The following ANXA10 variants were observed in gnomAD, a reference collection of about 807,000 sequenced individuals.
ANXA10 encodes the protein annexin 14.
ANXA10 carries 49 observed loss-of-function variants against 53.5 expected under a neutral mutation model. The ratio of observed to expected loss-of-function variants is 0.92; its 90% CI spans 0.73 to 1.16. The LOEUF is 1.16. Among genes scored for constraint, ANXA10 ranks in the 50% most tolerant of loss-of-function variants. The pLI is 0.00. For missense variants in ANXA10, 393 were observed against 394.4 expected, an observed-to-expected ratio of 1.00 and a Z score of 0.03; for synonymous variants, 131 against 128.9, an observed-to-expected ratio of 1.02 and a Z score of -0.11.
At chr4:168,095,386 C>A (rs1053080077) in intron 1 of ANXA10, among the ~76,000 whole-genome samples, 1 of 151,834 alleles carries the variant, frequency 6.6e-6, no homozygotes, top group African/African-American at 2.4e-5. Flanking sequence ...CTTTTGACAC[C>A]TTTTCCTACT....
chr4:168,171,093 G>A (rs1392113828), intron 6 of ANXA10, among the ~76,000 whole-genome samples: 1 of 152,150 alleles, frequency 6.6e-6, no homozygotes, highest in Non-Finnish European at 1.5e-5. Context: ...GATATAAAGT[G>A]AATAATGGGA....
chr4:168,162,537 G>T lies in ANXA10; in HGVS notation c.205G>T (p.Gly69Trp). Residue 69 changes from glycine (G) to tryptophan (W), a missense_variant, in exon 4 of 12, where the codon GGG (glycine) becomes TGG (tryptophan). Gly to Trp is a radical substitution (Grantham distance 184). Transcript: ENST00000359299. ...ACTTTTTCCTCCACAGGACCTGATTGGGGATATGAGGGAGCAGCTTTCGGA... is the reference window on the plus strand; with the variant it reads ...ACTTTTTCCTCCACAGGACCTGATTTGGGATATGAGGGAGCAGCTTTCGGA... Reference protein sequence around the residue: ...YQSMYGRDLIGDMREQLSDHF... With the variant: ...YQSMYGRDLIWDMREQLSDHF... The T allele has an allele frequency of 2.5e-6, 4 of 1,613,422 alleles. No homozygotes were observed. Among genetic ancestry groups the T allele is most frequent in the Non-Finnish European group, 3.4e-6 (4 of 1,179,474 alleles).
At chr4:168,147,178 T>C (rs1731419965) in intron 3 of ANXA10, among the ~76,000 whole-genome samples, 2 of 152,190 alleles carry the variant, frequency 1.3e-5, no homozygotes, top group African/African-American at 2.4e-5. Flanking sequence ...CCACTTCTAT[T>C]TGACAGGTGA....
chr4:168,155,822 GATATATGATATATC>G (rs1267433927), intron 3 of ANXA10, among the ~76,000 whole-genome samples: 2 of 2,856 alleles, frequency 7.0e-4, no homozygotes, highest in East Asian at 0.015. Context: ...TATTATATAT[GATATATGATATATC>G]ATATATAATA....
chr4:168,181,722 G>T lies in ANXA10; in HGVS notation c.764G>T (p.Arg255Ile). The T allele has an allele frequency of 1.3e-6, 2 of 1,599,940 alleles. No individual in the cohort carries two copies. The highest frequency in any genetic ancestry group is 1.7e-6 in the Non-Finnish European group (2 of 1,169,816). ...GACAAACCAGCCTATTTTGCTTATA[G>T]ATTATATAGTGCAATTCATGTAAGT... ...VRDKPAYFAY[R>I]LYSAIHDFGF... Residue 255 changes from arginine to isoleucine, a missense_variant, in exon 10 of 12, where the codon AGA becomes ATA. By Grantham distance (97) the Arg-to-Ile change is moderately conservative (BLOSUM62 -3). Coordinates refer to ENST00000359299, the MANE Select transcript of ANXA10 (RefSeq NM_007193.5).
At chr4:168,186,048 T>C (rs1035028182) in intron 11 of ANXA10, among the ~76,000 whole-genome samples, 1 of 152,232 alleles carries the variant, frequency 6.6e-6, no homozygotes, top group Non-Finnish European at 1.5e-5. Flanking sequence ...GCATAATTCA[T>C]TTTCTAAATG....
At chr4:168,163,088 T>G (rs1239754725) in intron 4 of ANXA10, among the ~76,000 whole-genome samples, 3 of 152,242 alleles carry the variant, frequency 2.0e-5, no homozygotes, top group Non-Finnish European at 4.4e-5. Flanking sequence ...GTCTTTATAT[T>G]TTCTTTTTAT....
At chr4:168,132,097 A>G (rs1221068731) in intron 2 of ANXA10, among the ~76,000 whole-genome samples, 1 of 152,118 alleles carries the variant, frequency 6.6e-6, no homozygotes, top group Admixed American at 6.6e-5. Flanking sequence ...AGTGAGTTAT[A>G]CCATGTGATC....
intron 1 of ANXA10, among the ~76,000 whole-genome samples, chr4:168,127,311 T>C (rs1401006430): frequency 6.6e-6 from 1 of 152,192 alleles, no homozygotes; most frequent in Non-Finnish European, 1.5e-5. Flanking sequence ...TCTGTTTACC[T>C]CTGCAGCCAT....
Position 168,177,981 on chromosome 4 carries a change from T to C in ANXA10, c.626T>C (p.Leu209Pro). 6.2e-7 allele frequency: 1 copy of C among 1,613,226 alleles called. No individual in the cohort carries two copies. The highest frequency in any genetic ancestry group is 8.5e-7 in the Non-Finnish European group (1 of 1,179,870). Residue 209 changes from leucine to proline, a missense_variant and splice_region_variant, in exon 8 of 12, where the codon CTG (leucine) becomes CCG (proline). By Grantham distance (98) the Leu-to-Pro change is moderately conservative (BLOSUM62 -3). Transcript: ENST00000359299. ...LCNKSYQQLR[L>P]VFQEFQNISG... ...AACAAGAGCTACCAGCAGCTGCGGC[T>C]GGGTAATTATTAACTGGGTTTCGTT...
Position 168,184,626 on chromosome 4 carries a change from C to T in ANXA10, c.851C>T (p.Thr284Ile). ...GCCAGAAGTGAAATAGACCTGCTGA[C>T]CATAAGGAAACGATACAAAGAGCGA... ...LIARSEIDLL[T>I]IRKRYKERYG... Residue 284 changes from threonine to isoleucine, a missense_variant, in exon 11 of 12, where the codon ACC becomes ATC. Coordinates refer to ENST00000359299, the MANE Select transcript of ANXA10 (RefSeq NM_007193.5). The T allele has an allele frequency of 6.2e-7, 1 of 1,613,948 alleles. No individual in the cohort carries two copies. Among genetic ancestry groups the T allele is most frequent in the Non-Finnish European group, 8.5e-7 (1 of 1,179,910 alleles).
chr4:168,184,572 A>G lies in ANXA10; in HGVS notation c.797A>G (p.His266Arg). The G allele has an allele frequency of 1.2e-6, 2 of 1,613,972 alleles. No individual in the cohort carries two copies. The highest frequency in any genetic ancestry group is 1.7e-5 in the Admixed American group (1 of 60,016). The stretch of plus-strand genomic sequence containing the variant: ...TGTATCTTTTAGGACTTTGGTTTCC[A>G]TAATAAAACTGTAATCAGGATTCTC... The part of the protein sequence containing the change: ...LYSAIHDFGF[H>R]NKTVIRILIA... The change falls in exon 11 of 12, where the codon CAT (histidine) becomes CGT (arginine). Residue 266 changes from histidine to arginine, a missense_variant. Transcript: ENST00000359299.
At chr4:168,186,626 G>A (rs1578944540) in intron 11 of ANXA10, among the ~76,000 whole-genome samples, 1 of 152,162 alleles carries the variant, frequency 6.6e-6, no homozygotes, top group South Asian at 2.1e-4. Flanking sequence ...CCAGCCTCTA[G>A]AGCTGTTAGA....
At chr4:168,163,500 CAT>C (rs10590309) in intron 4 of ANXA10, among the ~76,000 whole-genome samples, 89,173 of 151,808 alleles carry the variant, frequency 0.59, 27,075 homozygotes, top group African/African-American at 0.71. Flanking sequence ...GCTTTTAACA[CAT>C]GTTACATGTC....
chr4:168,184,440 G>A (rs1361896125), intron 10 of ANXA10, 119 bp from the exon 11 acceptor site: 4 of 1,204,552 alleles, frequency 3.3e-6, no homozygotes, highest in Non-Finnish European at 4.7e-6. Flanking sequence ...AGTGATGCCA[G>A]TGTTGGAAGA....
chr4:168,136,736 T>G (rs1162061685), intron 2 of ANXA10, among the ~76,000 whole-genome samples: 5 of 152,170 alleles, frequency 3.3e-5, no homozygotes, highest in African/African-American at 1.2e-4. Flanking sequence ...TGTCAGTTCA[T>G]CTACCATTCT....
chr4:168,123,723 G>C (rs890457520), intron 1 of ANXA10, among the ~76,000 whole-genome samples: 5 of 152,082 alleles, frequency 3.3e-5, no homozygotes, highest in African/African-American at 9.7e-5. Context: ...AAACTGAAGA[G>C]AGCCATTGTC....
intron 1 of ANXA10, among the ~76,000 whole-genome samples, chr4:168,120,170 T>A (rs1730961887): frequency 6.6e-6 from 1 of 152,072 alleles, no homozygotes; most frequent in South Asian, 2.1e-4. Context: ...TACTGGAACA[T>A]TGAAATATAT....
Position 168,187,393 on chromosome 4 carries a change from G to A in ANXA10, c.934G>A (p.Ala312Thr), listed in dbSNP as rs199613872. 2 of 1,598,668 alleles carry A rather than the reference G, an allele frequency of 1.3e-6. No homozygotes were observed. The highest frequency in any genetic ancestry group is 4.5e-5 in the East Asian group (2 of 44,436). The change falls in exon 12 of 12, where the codon GCA becomes ACA. Residue 312 changes from alanine (A) to threonine (T), a missense_variant. Transcript: ENST00000359299. ...RNFASGHYKK[A>T]LLAICAGDAE... ...TTTTGCTTCAGGGCATTATAAGAAA[G>A]CACTGCTTGCCATCTGTGCTGGTGA...
Sources: gnomAD v4.1 joint callset for allele counts (sites outside exome capture counted in the v4.1 genomes callset) on GRCh38, gnomAD v4.1.1 for gene constraint, MANE v1.5 for transcripts, NCBI Gene and HGNC (gene_info 2026-07-23, HGNC 2026-07-21) for gene names.